Variants in TMEM245 observed in about 807,000 individuals in gnomAD.
The protein encoded by TMEM245 is transmembrane protein 245.
TMEM245 carries 69 observed loss-of-function variants against 101.2 expected under a neutral mutation model. The observed-to-expected ratio is 0.68, with a 90% CI of 0.56 to 0.83. The LOEUF (loss-of-function observed/expected upper bound fraction) is 0.83, where lower values mean the gene tolerates loss of function less well. Ranked by LOEUF, TMEM245 falls within the 40% of genes least tolerant of loss-of-function variation. The probability of loss-of-function intolerance (pLI) is 0.00; values close to 1 mark genes in which losing one functional copy is unlikely to be tolerated. For synonymous variants in TMEM245, 537 were observed against 449.8 expected, an observed-to-expected ratio of 1.19 and a Z score of -2.45; for missense variants, 1,075 against 1,092.8, an observed-to-expected ratio of 0.98 and a Z score of 0.23.
chr9:109,096,902 C>T (rs995213121), intron 3 of TMEM245, among the ~76,000 whole-genome samples: 1 of 152,208 alleles, frequency 6.6e-6, no homozygotes, highest in Non-Finnish European at 1.5e-5. Flanking sequence ...AGTTCAGCTG[C>T]ATTTTATCTT....
At position 109,093,502 on chromosome 9, in the gene TMEM245, C is replaced by T. The variant is rs1331087766; in HGVS notation, c.889G>A (p.Glu297Lys). The change falls in exon 4 of 18, where the codon GAA (glutamate) becomes AAA (lysine). Residue 297 changes from glutamate (E) to lysine (K), a missense_variant. Glu to Lys is a moderately conservative substitution (Grantham distance 56). Transcript: ENST00000374586. ...GCAGGCTGAGTGGAGGGCTGGTCTT[C>T]ACTGCTTGATTCATACCCTGTGATA... is the stretch of plus-strand genomic sequence containing the variant. ...ISITGYESSS[E>K]DQPSTQPAEA... 2 of 1,613,982 alleles carry T rather than the reference C, an allele frequency of 1.2e-6. No individual in the cohort carries two copies. The highest frequency in any genetic ancestry group is 2.2e-5 in the South Asian group (2 of 91,038).
chr9:109,096,255 T>C (rs1830136038), intron 3 of TMEM245, among the ~76,000 whole-genome samples: 2 of 152,136 alleles, frequency 1.3e-5, no homozygotes, highest in African/African-American at 4.8e-5. Context: ...GGCAGACGGA[T>C]TACCTGAGGC....
intron 14 of TMEM245, 77 bp downstream of exon 14, chr9:109,050,206 T>C: frequency 6.5e-7 from 1 of 1,533,982 alleles, no homozygotes; most frequent in South Asian, 1.2e-5. Flanking sequence ...GTTATCAGGA[T>C]GCTCATGACA....
At chr9:109,064,227 CTG>C (rs1459748263) in intron 10 of TMEM245, among the ~76,000 whole-genome samples, 6 of 152,238 alleles carry the variant, frequency 3.9e-5, no homozygotes, top group Non-Finnish European at 8.8e-5. Context: ...AGTGATCATT[CTG>C]TCCTAACTCA....
chr9:109,113,956 T>A (rs1230141364), intron 1 of TMEM245, among the ~76,000 whole-genome samples: 1 of 151,988 alleles, frequency 6.6e-6, no homozygotes, highest in Non-Finnish European at 1.5e-5. Flanking sequence ...CCGGGCATGG[T>A]GGCAGGCTAC....
intron 1 of TMEM245, among the ~76,000 whole-genome samples, chr9:109,115,218 G>A (rs1428157518): frequency 6.6e-6 from 1 of 151,928 alleles, no homozygotes; most frequent in Non-Finnish European, 1.5e-5. Context: ...GGCGTGGTGG[G>A]TGCCTGTAAT....
chr9:109,066,487 CAAGT>C (rs1290836619), intron 9 of TMEM245, among the ~76,000 whole-genome samples: 7 of 132,094 alleles, frequency 5.3e-5, no homozygotes, highest in Non-Finnish European at 1.1e-4. Flanking sequence ...AATTTCTCAG[CAAGT>C]AAGACAAAAT....
chr9:109,075,824 T>C (rs986829020), intron 8 of TMEM245, among the ~76,000 whole-genome samples: 2 of 152,242 alleles, frequency 1.3e-5, no homozygotes, highest in Non-Finnish European at 2.9e-5. Context: ...TTCACTATTG[T>C]TTCTCCTTTT....
At chr9:109,102,363 A>C (rs1830302314) in intron 3 of TMEM245, among the ~76,000 whole-genome samples, 1 of 152,238 alleles carries the variant, frequency 6.6e-6, no homozygotes, top group African/African-American at 2.4e-5. Context: ...TACAAATAAA[A>C]ATATGGCTTA....
At chr9:109,066,176 C>T (rs115050256) in intron 9 of TMEM245, among the ~76,000 whole-genome samples, 61 of 152,182 alleles carry the variant, frequency 4.0e-4, no homozygotes, top group Middle Eastern at 3.4e-3. Context: ...TCAGCAAGGC[C>T]AGCACGCTGG....
At chr9:109,060,810 T>C (rs941343013) in intron 10 of TMEM245, among the ~76,000 whole-genome samples, 1 of 152,214 alleles carries the variant, frequency 6.6e-6, no homozygotes, top group African/African-American at 2.4e-5. Context: ...ATATGTCTCA[T>C]GTTACATTTA....
intron 5 of TMEM245, among the ~76,000 whole-genome samples, chr9:109,088,638 A>C (rs528027249): frequency 6.6e-5 from 10 of 151,878 alleles, no homozygotes; most frequent in Non-Finnish European, 1.2e-4. Context: ...GCTAACAGTG[A>C]AACCCCGTCT....
At chr9:109,066,676 CTT>C (rs1257496722) in intron 9 of TMEM245, among the ~76,000 whole-genome samples, 3 of 151,576 alleles carry the variant, frequency 2.0e-5, no homozygotes, top group Non-Finnish European at 2.9e-5. Context: ...TATATGGTAA[CTT>C]ATAATTGATA....
At chr9:109,055,974 G>T (rs566866063) in intron 12 of TMEM245, among the ~76,000 whole-genome samples, 19 of 152,156 alleles carry the variant, frequency 1.2e-4, no homozygotes, top group Non-Finnish European at 2.4e-4. Context: ...TATTTCTCAG[G>T]AGAAAAAGAA....
chr9:109,078,345 GCTTTCATCC>G (rs1292825066), intron 8 of TMEM245, among the ~76,000 whole-genome samples: 5 of 152,136 alleles, frequency 3.3e-5, no homozygotes, highest in Non-Finnish European at 7.4e-5. Flanking sequence ...TTTTCCAAGT[GCTTTCATCC>G]CTTTCTTTGG....
chr9:109,051,077 G>C (rs1229490839), intron 12 of TMEM245, among the ~76,000 whole-genome samples: 1 of 151,820 alleles, frequency 6.6e-6, no homozygotes, highest in Non-Finnish European at 1.5e-5. Context: ...GATCACTTGA[G>C]GTCAGGAGTT....
At chr9:109,062,424 T>C (rs1829043597) in intron 10 of TMEM245, among the ~76,000 whole-genome samples, 1 of 152,256 alleles carries the variant, frequency 6.6e-6, no homozygotes, top group Non-Finnish European at 1.5e-5. Flanking sequence ...ATGAACTAAC[T>C]GGAAAATTTT....
intron 3 of TMEM245, among the ~76,000 whole-genome samples, chr9:109,094,843 G>A (rs903716735): frequency 2.6e-5 from 4 of 152,102 alleles, no homozygotes; most frequent in African/African-American, 4.8e-5. Flanking sequence ...CCAAGACTCC[G>A]TATGGCAACA....
chr9:109,115,268 G>A (rs887352007), intron 1 of TMEM245, among the ~76,000 whole-genome samples: 7 of 151,848 alleles, frequency 4.6e-5, no homozygotes, highest in East Asian at 1.9e-4. Context: ...TGCTTGAACC[G>A]GGGAGGCAGA....
Sources: gnomAD v4.1 joint callset for allele counts (sites outside exome capture counted in the v4.1 genomes callset) on GRCh38, gnomAD v4.1.1 for gene constraint, MANE v1.5 for transcripts, NCBI Gene and HGNC (gene_info 2026-07-23, HGNC 2026-07-21) for gene names.